NOL7: variants seen among roughly 807,000 people sequenced by gnomAD.
The protein encoded by NOL7 is U3 small nucleolar RNA-associated protein NOL7.
Under a neutral mutation model 38.4 loss-of-function variants are expected in NOL7, and 36 were observed. That is an observed-to-expected ratio of 0.94 (90% CI 0.72 to 1.24). The LOEUF (loss-of-function observed/expected upper bound fraction) is 1.24, where lower values mean the gene tolerates loss of function less well. Ranked by LOEUF, NOL7 falls within the 50% of genes most tolerant of loss-of-function variation. NOL7 has a pLI of 0.00. For missense variants in NOL7, 350 were observed against 315.1 expected, an observed-to-expected ratio of 1.11 and a Z score of -0.84; for synonymous variants, 142 against 126.5, an observed-to-expected ratio of 1.12 and a Z score of -0.82.
In NOL7 at chr6:13,618,144, T is replaced by G. The variant is rs767114023; in HGVS notation, c.500+5T>G. The stretch of plus-strand genomic sequence containing the variant: ...ACAAAAAGTACAGTCTGTCAGGTAA[T>G]GAGTCTTTTGTTTCATTTGGGATGT... On this transcript the variant is annotated splice_donor_5th_base_variant and intron_variant, in intron 5 of 7. Coordinates refer to ENST00000451315, the MANE Select transcript of NOL7 (RefSeq NM_016167.5). 14 of 1,526,078 alleles carry G rather than the reference T, an allele frequency of 9.2e-6. No individual in the cohort carries two copies. The highest frequency in any genetic ancestry group is 1.4e-5 in the African/African-American group (1 of 72,562). The allele number at this position is 1,526,078 out of a possible 1,614,324, so 94.5% of individuals were successfully genotyped here.
chr6:13,620,371 A>G (rs780854631), intron 6 of NOL7, 37 bp from the exon 7 acceptor site: 6 of 1,613,774 alleles, frequency 3.7e-6, no homozygotes, highest in Non-Finnish European at 5.1e-6. Flanking sequence ...TTTACTGCAA[A>G]TAAAACTGTG....
chr6:13,629,921 C>CTCTCTCGT (rs1554221305), intron 8 of NOL7, among the ~76,000 whole-genome samples: 1 of 128,342 alleles, frequency 7.8e-6, no homozygotes, highest in African/African-American at 2.8e-5. Flanking sequence ...CTCTCTCTCT[C>CTCTCTCGT]GTGTGTGTGT....
At position 13,620,440 on chromosome 6, in the gene NOL7, T is replaced by G; in HGVS notation, c.655T>G (p.Leu219Val). ...GTTCCTGTCTCTTGCCAACAAGAGG[T>G]TACCAGTGAAAAGAGCTGCTGTCCA... ...NKFLSLANKR[L>V]PVKRAAVQFL... The change falls in exon 7 of 8, where the codon TTA becomes GTA. Residue 219 changes from leucine (L) to valine (V), a missense_variant. Coordinates refer to ENST00000451315, the MANE Select transcript of NOL7 (RefSeq NM_016167.5). 2 of 1,613,976 alleles carry G rather than the reference T, an allele frequency of 1.2e-6. No individual in the cohort carries two copies. The highest frequency in any genetic ancestry group is 1.7e-6 in the Non-Finnish European group (2 of 1,180,002).
chr6:13,615,901 G>GT, intron 2 of NOL7, 129 bp downstream of exon 2: 1 of 965,924 alleles, frequency 1.0e-6, no homozygotes, highest in Non-Finnish European at 1.5e-6. Flanking sequence ...TCTGACAGTG[G>GT]TGGAAAGATG....
At position 13,618,116 on chromosome 6, in the gene NOL7, A is replaced by C. The variant is rs1160004650; in HGVS notation, c.477A>C (p.Lys159Asn). ...AAGGAAATGACTCCAAGAAAGTTAA[A>C]GTACAAAAAGTACAGTCTGTCAGGT... Reference protein sequence around the residue: ...CEKGNDSKKVKVQKVQSVSQN... With the variant: ...CEKGNDSKKVNVQKVQSVSQN... Residue 159 changes from lysine to asparagine, a missense_variant, in exon 5 of 8, where the codon AAA (lysine) becomes AAC (asparagine). Physicochemically the swap from Lys to Asn is moderately conservative, Grantham distance 94. Coordinates refer to ENST00000451315, the MANE Select transcript of NOL7 (RefSeq NM_016167.5). 1.3e-6 allele frequency: 2 copies of C among 1,590,330 alleles called. No individual in the cohort carries two copies. The highest frequency in any genetic ancestry group is 1.7e-6 in the Non-Finnish European group (2 of 1,159,776).
chr6:13,619,503 C>T (rs991739131), intron 5 of NOL7, among the ~76,000 whole-genome samples: 2 of 152,182 alleles, frequency 1.3e-5, no homozygotes, highest in African/African-American at 4.8e-5. Flanking sequence ...AAGTGCAAGA[C>T]CATGAGAGGA....
downstream of NOL7, among the ~76,000 whole-genome samples, chr6:13,625,445 A>G (rs919602250): frequency 2.0e-5 from 3 of 152,176 alleles, no homozygotes; most frequent in Non-Finnish European, 4.4e-5. Flanking sequence ...CCCAAGTTGT[A>G]CCCCATCTTA....
chr6:13,620,741 C>T lies in NOL7; in HGVS notation c.701-13C>T, dbSNP rs564285263. The T allele has an allele frequency of 6.4e-5, 99 of 1,554,836 alleles. 3 individuals carry two copies. The South Asian group carries it at 1.2e-3, about 18-fold the overall frequency. On this transcript the variant is annotated splice_polypyrimidine_tract_variant and intron_variant, in intron 7 of 7. Transcript: ENST00000451315. ...TTTCTAATATACTTACTGCAGAAAA[C>T]TTTATATTCTAGGAATCCAAAAAAA...
intron 5 of NOL7, among the ~76,000 whole-genome samples, chr6:13,619,542 T>G (rs1764379521): frequency 6.6e-6 from 1 of 152,236 alleles, no homozygotes; most frequent in Non-Finnish European, 1.5e-5. Flanking sequence ...GACTTTTCAT[T>G]TGGAAAAACT....
intron 8 of NOL7, among the ~76,000 whole-genome samples, chr6:13,627,068 C>T (rs1764629058): frequency 6.6e-6 from 1 of 152,122 alleles, no homozygotes; most frequent in Non-Finnish European, 1.5e-5. Context: ...GTAGTTTTCT[C>T]CTCCAATTAC....
In NOL7 at chr6:13,621,300, G is replaced by C. The variant is rs1385017158; in HGVS notation, c.*473G>C. 1 of 152,424 alleles carries C rather than the reference G, an allele frequency of 6.6e-6. No homozygotes were observed. Among genetic ancestry groups the C allele is most frequent in the Non-Finnish European group, 1.5e-5 (1 of 68,160 alleles). 9.4% of individuals were successfully genotyped at this position (152,424 alleles called of 1,614,324 possible). On this transcript the variant is annotated 3_prime_UTR_variant, in exon 8 of 8. Coordinates refer to ENST00000451315, the MANE Select transcript of NOL7 (RefSeq NM_016167.5). ...ATATTATGAATATGAAAATAATGAA[G>C]TTAATTTCCTGTTGCCTTTCTGTGT...
intron 7 of NOL7, 111 bp from the exon 8 acceptor site, chr6:13,620,643 A>AG: frequency 6.3e-6 from 6 of 952,046 alleles, no homozygotes; most frequent in Non-Finnish European, 9.5e-6. Flanking sequence ...ATATACATCT[A>AG]AAGTATAATA....
chr6:13,620,073 G>A, intron 5 of NOL7, 135 bp from the exon 6 acceptor site: 1 of 939,914 alleles, frequency 1.1e-6, no homozygotes, highest in Non-Finnish European at 1.5e-6. Flanking sequence ...CAAGTTGCTT[G>A]AACCTGGGAG....
Position 13,616,504 on chromosome 6 carries a change from C to A in NOL7, c.369C>A (p.Thr123=), listed in dbSNP as rs1764291558. 1 of 1,606,306 alleles carries A rather than the reference C, an allele frequency of 6.2e-7. No homozygotes were observed. Among genetic ancestry groups the A allele is most frequent in the Non-Finnish European group, 8.5e-7 (1 of 1,176,014 alleles). ...LLPDTILEKL[T]TASQTNIKKS... ...CAGACACTATTTTGGAGAAGTTAAC[C>A]ACAGCTTCACAGACTAAGTAAGTAA... The change falls in exon 3 of 8, where the codon ACC becomes ACA. Residue 123 remains threonine (T), a synonymous_variant. Transcript: ENST00000451315.
chr6:13,615,369 T>C lies in NOL7; in HGVS notation c.11T>C (p.Leu4Pro), dbSNP rs1044328201. 2 of 1,509,402 alleles carry C rather than the reference T, an allele frequency of 1.3e-6. No individual in the cohort carries two copies. Among genetic ancestry groups the C allele is most frequent in the Middle Eastern group, 2.4e-4 (1 of 4,248 alleles). The allele number at this position is 1,509,402 out of a possible 1,614,324, so 93.5% of individuals were successfully genotyped here. A position where few individuals can be genotyped will look rare whatever the true frequency, so the allele number is the denominator to read the frequency against. The change falls in exon 1 of 8, where the codon CTC (leucine) becomes CCC (proline). Residue 4 changes from leucine (L) to proline (P), a missense_variant. Leu to Pro is a moderately conservative substitution (Grantham distance 98). Coordinates refer to ENST00000451315, the MANE Select transcript of NOL7 (RefSeq NM_016167.5). MVQ[L>P]RPRASRAPAS... ...AGCGCTGCGTGGGCCATGGTGCAGCTCCGACCGCGAGCGTCTCGCGCCCCG... is the reference window on the plus strand; with the variant it reads ...AGCGCTGCGTGGGCCATGGTGCAGCCCCGACCGCGAGCGTCTCGCGCCCCG...
At chr6:13,627,857 G>A (rs760730201) in intron 8 of NOL7, among the ~76,000 whole-genome samples, 1 of 151,886 alleles carries the variant, frequency 6.6e-6, no homozygotes, top group Non-Finnish European at 1.5e-5. Context: ...AATGTGAAAT[G>A]TCGCACTCCC....
At chr6:13,625,614 G>A, downstream of NOL7, 2 of 1,431,210 alleles carry the variant, frequency 1.4e-6, no homozygotes, top group South Asian at 1.2e-5. Flanking sequence ...AATTTTCAGA[G>A]AATCTAACTG....
chr6:13,616,247 G>T (rs1278731624), intron 2 of NOL7, among the ~76,000 whole-genome samples: 1 of 152,118 alleles, frequency 6.6e-6, no homozygotes, highest in African/African-American at 2.4e-5. Flanking sequence ...TTAGAATACC[G>T]TGGGCACCCT....
downstream of NOL7, among the ~76,000 whole-genome samples, chr6:13,623,464 G>A (rs1024548071): frequency 1.3e-5 from 2 of 152,144 alleles, no homozygotes; most frequent in Admixed American, 6.6e-5. Flanking sequence ...AGCAAATTCA[G>A]GACTTAAAGG....
Sources: allele counts gnomAD v4.1 joint callset (sites outside exome capture counted in the v4.1 genomes callset), GRCh38; gene constraint gnomAD v4.1.1; transcripts MANE v1.5; gene names NCBI Gene and HGNC (gene_info 2026-07-23, HGNC 2026-07-21).